PCDH7: variants seen among roughly 807,000 people sequenced by gnomAD.
PCDH7 encodes protocadherin-7.
In PCDH7, 17 loss-of-function variants were observed where a neutral mutation model predicts 58.9. That is an observed-to-expected ratio of 0.29 (90% CI 0.20 to 0.43). The LOEUF (loss-of-function observed/expected upper bound fraction) is 0.43, where lower values mean the gene tolerates loss of function less well. Ranked by LOEUF, PCDH7 falls within the 20% of genes least tolerant of loss-of-function variation. The probability of loss-of-function intolerance (pLI) is 1.00; values close to 1 mark genes in which losing one functional copy is unlikely to be tolerated. For synonymous variants in PCDH7, 664 were observed against 616.4 expected (o/e 1.08, Z -1.14); for missense variants, 1,274 against 1,441.0 (o/e 0.88, Z 1.88).
At chr4:30,854,019 G>A (rs550826147) in intron 1 of PCDH7, among the ~76,000 whole-genome samples, 3 of 151,848 alleles carry the variant, frequency 2.0e-5, no homozygotes, top group South Asian at 2.1e-4. Flanking sequence ...ACGCAGAATC[G>A]GAAACATTCT....
chr4:30,878,101 A>G (rs1227922109), intron 1 of PCDH7, among the ~76,000 whole-genome samples: 1 of 152,140 alleles, frequency 6.6e-6, no homozygotes, highest in Non-Finnish European at 1.5e-5. Context: ...ACCCAACATA[A>G]CACTGGCTTA....
chr4:30,925,349 A>T (rs1259749015), intron 2 of PCDH7, among the ~76,000 whole-genome samples: 1 of 152,036 alleles, frequency 6.6e-6, no homozygotes, highest in East Asian at 1.9e-4. Context: ...CTGTCTCCCA[A>T]TTTTCAAGCA....
exon 2 of PCDH7, chr4:30,732,173 A>T (rs1715599626): frequency 6.6e-6 from 1 of 152,220 alleles, no homozygotes; most frequent in Non-Finnish European, 1.5e-5. Context: ...TTTCAGAAAC[A>T]TCACTGCAAG....
chr4:31,142,957 G>A (rs1012844557), downstream of PCDH7: 20 of 835,412 alleles, frequency 2.4e-5, no homozygotes, highest in Non-Finnish European at 3.3e-5. Flanking sequence ...CTACCAAAGA[G>A]ACAAAGCTTT....
At chr4:31,038,205 T>C (rs1316086123) in intron 3 of PCDH7, among the ~76,000 whole-genome samples, 1 of 152,252 alleles carries the variant, frequency 6.6e-6, no homozygotes, top group African/African-American at 2.4e-5. Context: ...GATTGTTTGA[T>C]ATCTAGTATT....
At position 30,722,357 on chromosome 4, in the gene PCDH7, T is replaced by A; in HGVS notation, c.935T>A (p.Val312Glu). The A allele has an allele frequency of 6.2e-7, 1 of 1,612,254 alleles. No homozygotes were observed. The highest frequency in any genetic ancestry group is 8.5e-7 in the Non-Finnish European group (1 of 1,179,788). The change falls in exon 1 of 2, where the codon GTG becomes GAG. Residue 312 changes from valine to glutamate, a missense_variant. Coordinates refer to ENST00000361762, the Ensembl canonical transcript of PCDH7. The surrounding 1 kb of genome is among the most constrained non-coding windows in gnomAD (Gnocchi z 7.6). Reference sequence around the variant, plus strand: ...AACAGCCCCCGCTTCGAGAAGAGCGTGTACGAGGCCGACTTGGCTGAGAAC... The same window carrying A: ...AACAGCCCCCGCTTCGAGAAGAGCGAGTACGAGGCCGACTTGGCTGAGAAC...
intron 2 of PCDH7, among the ~76,000 whole-genome samples, chr4:30,934,767 A>T (rs571336934): frequency 6.6e-6 from 1 of 152,310 alleles, no homozygotes; most frequent in East Asian, 1.9e-4. Flanking sequence ...AGTTTTAAAA[A>T]GTCCTTCTTA....
At chr4:30,896,889 CTTTTTTTTTTTTTTTTT>C (rs71190474) in intron 1 of PCDH7, among the ~76,000 whole-genome samples, 109 of 27,350 alleles carry the variant, frequency 4.0e-3, no homozygotes, top group African/African-American at 0.016. Flanking sequence ...TAGTTCTTTG[CTTTTTTTTTTTTTTTTT>C]TTTTTTTTTT....
chr4:30,791,406 T>C (rs1577820569), intron 1 of PCDH7, among the ~76,000 whole-genome samples: 2 of 152,290 alleles, frequency 1.3e-5, no homozygotes, highest in East Asian at 3.9e-4. Flanking sequence ...GACTGTTGAT[T>C]AGATTAACCC....
chr4:30,811,743 T>C (rs1727044915), intron 1 of PCDH7, among the ~76,000 whole-genome samples: 1 of 152,210 alleles, frequency 6.6e-6, no homozygotes, highest in Admixed American at 6.5e-5. Context: ...GTAGTGTTTT[T>C]AGTGATGAAA....
At chr4:30,790,171 T>G (rs546368686) in intron 1 of PCDH7, among the ~76,000 whole-genome samples, 6 of 152,220 alleles carry the variant, frequency 3.9e-5, no homozygotes, top group African/African-American at 1.4e-4. Context: ...TACACTTTAG[T>G]TGAACTGATT....
At chr4:30,978,867 T>C (rs938561324) in intron 3 of PCDH7, among the ~76,000 whole-genome samples, 1 of 152,102 alleles carries the variant, frequency 6.6e-6, no homozygotes, top group Non-Finnish European at 1.5e-5. Flanking sequence ...TTTTCACTGA[T>C]GTAAAATAAG....
At position 30,866,977 on chromosome 4, in the gene PCDH7, A is replaced by T. The variant is rs140535667; in HGVS notation, c.71-53176A>T. Among the ~76,000 whole-genome samples, 760 of 152,266 alleles carry T rather than the reference A, an allele frequency of 5.0e-3. 7 individuals are homozygous for T. The highest frequency in any genetic ancestry group is 0.017 in the African/African-American group (697 of 41,566). Reference sequence around the variant, plus strand: ...GGTTGGGGTAACAAAAAGGAAATGAAACCTTATTCTTAAATGTGAGGTAGA... The same window carrying T: ...GGTTGGGGTAACAAAAAGGAAATGATACCTTATTCTTAAATGTGAGGTAGA... On this transcript the variant is annotated intron_variant, in intron 1 of 3. Coordinates refer to the PCDH7 transcript ENST00000509759.
chr4:30,847,647 A>G (rs978594436), intron 1 of PCDH7, among the ~76,000 whole-genome samples: 6 of 152,202 alleles, frequency 3.9e-5, no homozygotes. Context: ...AAAGAATGAT[A>G]GAAATTTTTA....
intron 3 of PCDH7, among the ~76,000 whole-genome samples, chr4:31,032,297 A>C (rs568268218): frequency 6.6e-6 from 1 of 152,328 alleles, no homozygotes; most frequent in East Asian, 1.9e-4. Flanking sequence ...AAAAATGTAT[A>C]AGATTATTGC....
At chr4:30,956,617 A>C (rs2109454065) in intron 3 of PCDH7, among the ~76,000 whole-genome samples, 1 of 152,366 alleles carries the variant, frequency 6.6e-6, no homozygotes, top group African/African-American at 2.4e-5. Flanking sequence ...CAACTTAATA[A>C]GATATAGAAC....
intron 1 of PCDH7, among the ~76,000 whole-genome samples, chr4:30,777,522 G>A (rs1316446380): frequency 6.6e-6 from 1 of 152,124 alleles, no homozygotes; most frequent in African/African-American, 2.4e-5. Context: ...GAATCACACT[G>A]TATGGGAGTC....
rs376441628 is a variant in PCDH7 at position 30,814,381 on chromosome 4, G to A, written c.70+89785G>A. ...AGATTCACAGTAAAAATGTCAATTC[G>A]TCATATGAATTTCTATTATTAGCTC... On this transcript the variant is annotated intron_variant, in intron 1 of 3. Transcript: ENST00000509759. 6.3e-4 allele frequency among the ~76,000 whole-genome samples: 96 copies of A among 152,018 alleles called. 2 individuals carry two copies. In the South Asian group the frequency reaches 0.017, roughly 27 times the overall value.
chr4:31,008,299 G>T (rs906243708), intron 3 of PCDH7, among the ~76,000 whole-genome samples: 1 of 152,058 alleles, frequency 6.6e-6, no homozygotes, highest in Non-Finnish European at 1.5e-5. Flanking sequence ...AAACAATTTG[G>T]ATTATAGCTT....
Sources: allele counts gnomAD v4.1 joint callset (sites outside exome capture counted in the v4.1 genomes callset), GRCh38; gene constraint gnomAD v4.1.1; non-coding constraint Gnocchi (gnomAD v3.1); transcripts MANE v1.5; gene names NCBI Gene and HGNC (gene_info 2026-07-23, HGNC 2026-07-21).